RABGAP1: variants seen among roughly 807,000 people sequenced by gnomAD.
RABGAP1 encodes RAB GTPase activating protein 1.
Under a neutral mutation model 137.6 loss-of-function variants are expected in RABGAP1, and 23 were observed. That is an observed-to-expected ratio of 0.17 (90% CI 0.12 to 0.24). The LOEUF is 0.24. Ranked by LOEUF, RABGAP1 falls within the 10% of genes least tolerant of loss-of-function variation. The pLI is 1.00. For synonymous variants in RABGAP1, 451 were observed against 450.7 expected (o/e 1.00, Z -0.01); for missense variants, 906 against 1,275.8 (o/e 0.71, Z 4.42).
chr9:123,052,284 T>G (rs1776236816), intron 13 of RABGAP1, among the ~76,000 whole-genome samples: 1 of 152,188 alleles, frequency 6.6e-6, no homozygotes, highest in Admixed American at 6.6e-5. Flanking sequence ...ACATTTTTCC[T>G]CATTTGTCAA....
At chr9:122,955,092 G>A (rs746621186) in intron 1 of RABGAP1, among the ~76,000 whole-genome samples, 2 of 152,192 alleles carry the variant, frequency 1.3e-5, no homozygotes, top group Non-Finnish European at 2.9e-5. Flanking sequence ...TTTACATCAT[G>A]AGTGATGAGT....
chr9:122,995,096 G>T (rs936923393), intron 6 of RABGAP1, among the ~76,000 whole-genome samples: 2 of 152,074 alleles, frequency 1.3e-5, no homozygotes, highest in Non-Finnish European at 2.9e-5. Context: ...TGCAACCTGG[G>T]TGACAGATCA....
At chr9:123,019,961 G>T (rs545670535) in intron 12 of RABGAP1, among the ~76,000 whole-genome samples, 3 of 152,168 alleles carry the variant, frequency 2.0e-5, no homozygotes, top group African/African-American at 7.2e-5. Context: ...TGGGATTACA[G>T]GCGTGAGCCA....
chr9:123,092,404 GATCT>G (rs1184174535), intron 21 of RABGAP1, among the ~76,000 whole-genome samples: 1 of 152,132 alleles, frequency 6.6e-6, no homozygotes, highest in African/African-American at 2.4e-5. Flanking sequence ...ACTAAACTTT[GATCT>G]CTCTTACCCT....
chr9:123,014,226 G>A (rs2031044177), intron 11 of RABGAP1, among the ~76,000 whole-genome samples: 1 of 152,100 alleles, frequency 6.6e-6, no homozygotes, highest in Admixed American at 6.6e-5. Context: ...TTCCTCTCAT[G>A]CCTTGATCAG....
intron 21 of RABGAP1, among the ~76,000 whole-genome samples, chr9:123,096,714 G>A (rs1182074734): frequency 6.6e-6 from 1 of 152,110 alleles, no homozygotes; most frequent in Non-Finnish European, 1.5e-5. Context: ...GATTACAGGC[G>A]CCTGCCACCA....
chr9:123,041,532 G>A (rs1279585022), intron 13 of RABGAP1, among the ~76,000 whole-genome samples: 1 of 152,138 alleles, frequency 6.6e-6, no homozygotes, highest in Non-Finnish European at 1.5e-5. Context: ...AAACATGACA[G>A]ACCTCCTGCT....
At position 122,956,666 on chromosome 9, in the gene RABGAP1, A is replaced by AAAAT. The variant is rs35351969; in HGVS notation, c.-49-344_-49-343insAATA. On this transcript the variant is annotated intron_variant, in intron 1 of 25. Coordinates refer to ENST00000373647, the MANE Select transcript of RABGAP1 (RefSeq NM_012197.4). ...CTCCGTCTCAAAAAAAAAAAAAAAAAATTAGAGGGTAGAAAACAGAAGGCT... is the reference window on the plus strand; with the variant it reads ...CTCCGTCTCAAAAAAAAAAAAAAAAAAAATATTAGAGGGTAGAAAACAGAAGGCT... Among the ~76,000 whole-genome samples the AAAAT allele has an allele frequency of 8.6e-5, 13 of 151,582 alleles. No homozygotes were observed. The East Asian group carries it at 2.5e-3, about 29-fold the overall frequency.
intron 1 of RABGAP1, among the ~76,000 whole-genome samples, chr9:122,956,180 A>G (rs919856156): frequency 2.0e-5 from 3 of 152,194 alleles, no homozygotes; most frequent in Non-Finnish European, 2.9e-5. Context: ...GCAGTTTTTA[A>G]TGAACTTCTC....
At chr9:123,088,055 T>TA (rs1198382433) in intron 19 of RABGAP1, among the ~76,000 whole-genome samples, 63 of 151,616 alleles carry the variant, frequency 4.2e-4, no homozygotes, top group African/African-American at 1.5e-3. Context: ...TTTTTTTTTT[T>TA]AATTATTTAG....
At chr9:122,940,944 C>G (rs892443620), upstream of RABGAP1, 1 of 94,154 alleles carries the variant, frequency 1.1e-5, no homozygotes, top group South Asian at 3.8e-4. Flanking sequence ...ACCTATGAGA[C>G]GGGGCAGGGG....
chr9:122,949,744 G>A (rs1355440511), intron 1 of RABGAP1, among the ~76,000 whole-genome samples: 1 of 149,262 alleles, frequency 6.7e-6, no homozygotes, highest in Non-Finnish European at 1.5e-5. Flanking sequence ...TTATTTTACT[G>A]TGTGGTAAAT....
At chr9:123,043,404 G>A (rs944927488) in intron 13 of RABGAP1, among the ~76,000 whole-genome samples, 1 of 152,076 alleles carries the variant, frequency 6.6e-6, no homozygotes, top group Non-Finnish European at 1.5e-5. Context: ...ATGGTGAGAA[G>A]AATTTAGTTT....
At chr9:123,019,141 T>C (rs930352340) in intron 12 of RABGAP1, among the ~76,000 whole-genome samples, 1 of 152,306 alleles carries the variant, frequency 6.6e-6, no homozygotes, top group African/African-American at 2.4e-5. Context: ...TTTCCCCATT[T>C]TATAGGTGAC....
At chr9:122,984,461 A>T in intron 2 of RABGAP1, 24 bp from the exon 3 acceptor site, 1 of 1,594,194 alleles carries the variant, frequency 6.3e-7, no homozygotes, top group East Asian at 2.2e-5. Context: ...CACTTTGCTG[A>T]TTGCATGTAT....
At chr9:123,001,884 A>G (rs1458223607) in intron 10 of RABGAP1, among the ~76,000 whole-genome samples, 1 of 152,266 alleles carries the variant, frequency 6.6e-6, no homozygotes, top group East Asian at 1.9e-4. Flanking sequence ...CACCAAATTA[A>G]TAAAAAAGCA....
At chr9:123,021,330 CTTTTTTTTTT>C (rs397944903) in intron 13 of RABGAP1, among the ~76,000 whole-genome samples, 4 of 111,976 alleles carry the variant, frequency 3.6e-5, no homozygotes, top group African/African-American at 1.1e-4. Flanking sequence ...GAAGAGCAGG[CTTTTTTTTTT>C]TTTTTTTTTG....
intron 14 of RABGAP1, among the ~76,000 whole-genome samples, chr9:123,069,062 A>G (rs1244297302): frequency 6.6e-6 from 1 of 152,236 alleles, no homozygotes; most frequent in Non-Finnish European, 1.5e-5. Flanking sequence ...TACCAGTCAT[A>G]AAAACAGAAC....
intron 1 of RABGAP1, 24 bp from the exon 2 acceptor site, chr9:122,956,987 A>G: frequency 7.4e-6 from 9 of 1,211,880 alleles, no homozygotes; most frequent in Non-Finnish European, 9.9e-6. Context: ...CTATATGAGT[A>G]TCTTTATGGT....
Sources: allele counts gnomAD v4.1 joint callset (sites outside exome capture counted in the v4.1 genomes callset), GRCh38; gene constraint gnomAD v4.1.1; transcripts MANE v1.5; gene names NCBI Gene and HGNC (gene_info 2026-07-23, HGNC 2026-07-21).